HMGB4: variants seen among roughly 807,000 people sequenced by gnomAD.
HMGB4 encodes high mobility group protein B4.
For synonymous variants in HMGB4, 82 were observed against 84.9 expected (o/e 0.97, Z 0.19); for missense variants, 217 against 220.4 (o/e 0.98, Z 0.10).
At position 33,864,584 on chromosome 1, in the gene HMGB4, G is replaced by C. The variant is rs745673739; in HGVS notation, c.393G>C (p.Trp131Cys). 1 of 1,614,040 alleles carries C rather than the reference G, an allele frequency of 6.2e-7. No individual in the cohort carries two copies. Among genetic ancestry groups the C allele is most frequent in the South Asian group, 1.1e-5 (1 of 91,086 alleles). Reference protein sequence around the residue: ...VQVAKATGKMWSTATDLEKHP... With the variant: ...VQVAKATGKMCSTATDLEKHP... ...TGGCCAAGGCCACAGGGAAGATGTG[G>C]TCAACAGCGACAGACCTGGAGAAGC... Residue 131 changes from tryptophan to cysteine, a missense_variant, in exon 1 of 1, where the codon TGG becomes TGC. Transcript: ENST00000681531.
upstream of HMGB4, among the ~76,000 whole-genome samples, chr1:33,861,755 T>C (rs867433983): frequency 6.6e-6 from 1 of 152,060 alleles, no homozygotes; most frequent in Non-Finnish European, 1.5e-5. Context: ...AAGTAGAGTT[T>C]TACCACCCTA....
upstream of HMGB4, chr1:33,861,104 A>G (rs1337122414): frequency 6.6e-6 from 1 of 152,240 alleles, no homozygotes; most frequent in Non-Finnish European, 1.5e-5. Context: ...GAGGTACATA[A>G]AGTGCTTAGA....
In HMGB4 at chr1:33,864,648, T is replaced by A. The variant is rs141714388; in HGVS notation, c.457T>A (p.Tyr153Asn). The A allele has an allele frequency of 1.2e-6, 2 of 1,613,886 alleles. No homozygotes were observed. The highest frequency in any genetic ancestry group is 3.3e-5 in the Admixed American group (2 of 60,012). ...EQRVALLRAKYFEELELYRKQ... is the reference protein window; with the variant it reads ...EQRVALLRAKNFEELELYRKQ... ...AAGAGTGGCTCTCCTGAGAGCTAAGTACTTCGAGGAACTTGAACTCTACCG... is the reference window on the plus strand; with the variant it reads ...AAGAGTGGCTCTCCTGAGAGCTAAGAACTTCGAGGAACTTGAACTCTACCG... Residue 153 changes from tyrosine (Y) to asparagine (N), a missense_variant, in exon 1 of 1, where the codon TAC becomes AAC. Physicochemically the swap from Tyr to Asn is moderately radical, Grantham distance 143. Transcript: ENST00000681531.
At position 33,864,749 on chromosome 1, in the gene HMGB4, C is replaced by T; in HGVS notation, c.558C>T (p.Ser186=). ...GCAGAGGGAAAAGAGTCAGGCAGAG[C>T]TGATGGATCCAGTTTGAAAAAACAA... The part of the protein sequence containing the change: ...NRCRGKRVRQ[S] The change falls in exon 1 of 1, where the codon AGC becomes AGT. Residue 186 remains serine (S), a synonymous_variant. Transcript: ENST00000681531. 6.3e-7 allele frequency: 1 copy of T among 1,597,654 alleles called. No homozygotes were observed. The highest frequency in any genetic ancestry group is 1.8e-5 in the Admixed American group (1 of 56,800).
upstream of HMGB4, among the ~76,000 whole-genome samples, chr1:33,861,843 C>G (rs1421262209): frequency 6.6e-6 from 1 of 152,142 alleles, no homozygotes; most frequent in Admixed American, 6.5e-5. Context: ...CTTATGAGGA[C>G]CAGTGACCTT....
At chr1:33,862,790 C>T (rs1639641016), upstream of HMGB4, 2 of 152,158 alleles carry the variant, frequency 1.3e-5, no homozygotes, top group African/African-American at 2.4e-5. Flanking sequence ...CTTAGGTAGG[C>T]CAGCCACCTT....
upstream of HMGB4, among the ~76,000 whole-genome samples, chr1:33,861,982 C>T (rs377500986): frequency 3.3e-5 from 5 of 152,106 alleles, no homozygotes; most frequent in African/African-American, 1.2e-4. Flanking sequence ...AGATGGAAAC[C>T]AGAGGGTATG....
chr1:33,861,269 G>A (rs1202162527), upstream of HMGB4: 1 of 152,138 alleles, frequency 6.6e-6, no homozygotes, highest in African/African-American at 2.4e-5. Flanking sequence ...GCAGATTTAC[G>A]ACCCCCAGCT....
upstream of HMGB4, chr1:33,862,389 GTGTGTGTC>G (rs1639598956): frequency 6.7e-6 from 1 of 148,588 alleles, no homozygotes; most frequent in African/African-American, 2.7e-5. Context: ...GTGTGTGTGT[GTGTGTGTC>G]TGAGCCTGAG....
Position 33,864,363 on chromosome 1 carries a change from G to A in HMGB4, c.172G>A (p.Ala58Thr). The part of the protein sequence containing the change: ...KWRSISKHEK[A>T]KYEALAKLDK... Reference sequence around the variant, plus strand: ...GAGATCCATCTCAAAGCATGAAAAGGCCAAATATGAAGCCCTGGCCAAACT... The same window carrying A: ...GAGATCCATCTCAAAGCATGAAAAGACCAAATATGAAGCCCTGGCCAAACT... The change falls in exon 1 of 1, where the codon GCC becomes ACC. Residue 58 changes from alanine to threonine, a missense_variant. By Grantham distance (58) the Ala-to-Thr change is moderately conservative (BLOSUM62 0). Transcript: ENST00000681531. 1 of 1,614,096 alleles carries A rather than the reference G, an allele frequency of 6.2e-7. No homozygotes were observed. Among genetic ancestry groups the A allele is most frequent in the Non-Finnish European group, 8.5e-7 (1 of 1,180,032 alleles).
At position 33,864,339 on chromosome 1, in the gene HMGB4, A is replaced by G. The variant is rs1639793706; in HGVS notation, c.148A>G (p.Arg50Gly). 3.1e-6 allele frequency: 5 copies of G among 1,613,890 alleles called. No homozygotes were observed. Among genetic ancestry groups the G allele is most frequent in the Non-Finnish European group, 4.2e-6 (5 of 1,179,838 alleles). ...EFSRKCSEKW[R>G]SISKHEKAKY... ...CTCTAGAAAGTGTTCGGAAAAATGG[A>G]GATCCATCTCAAAGCATGAAAAGGC... The change falls in exon 1 of 1, where the codon AGA (arginine) becomes GGA (glycine). Residue 50 changes from arginine (R) to glycine (G), a missense_variant. Physicochemically the swap from Arg to Gly is moderately radical, Grantham distance 125. Coordinates refer to ENST00000681531, the MANE Select transcript of HMGB4 (RefSeq NM_001379301.1).
At position 33,864,171 on chromosome 1, in the gene HMGB4, A is replaced by G. The variant is rs777814275; in HGVS notation, c.-21A>G. On this transcript the variant is annotated 5_prime_UTR_variant, in exon 1 of 1. Transcript: ENST00000681531. Reference sequence around the variant, plus strand: ...CTCCTGTCCACGTTACTGAATCCAGAAAAAAGGTGAACTTACGAACATGGG... The same window carrying G: ...CTCCTGTCCACGTTACTGAATCCAGGAAAAAGGTGAACTTACGAACATGGG... 7.6e-6 allele frequency: 12 copies of G among 1,572,294 alleles called. No homozygotes were observed. Among genetic ancestry groups the G allele is most frequent in the Middle Eastern group, 1.9e-4 (1 of 5,392 alleles).
chr1:33,864,559 T>A lies in HMGB4; in HGVS notation c.368T>A (p.Val123Glu). ...AACCCGAACTGGTCGGTGGTGCAGGTGGCCAAGGCCACAGGGAAGATGTGG... is the reference window on the plus strand; with the variant it reads ...AACCCGAACTGGTCGGTGGTGCAGGAGGCCAAGGCCACAGGGAAGATGTGG... ...RENPNWSVVQ[V>E]AKATGKMWST... Residue 123 changes from valine (V) to glutamate (E), a missense_variant, in exon 1 of 1, where the codon GTG becomes GAG. Transcript: ENST00000681531. The A allele has an allele frequency of 6.2e-7, 1 of 1,614,008 alleles. No individual in the cohort carries two copies. Among genetic ancestry groups the A allele is most frequent in the East Asian group, 2.2e-5 (1 of 44,830 alleles).
In HMGB4 at chr1:33,864,178, G is replaced by A. The variant is rs1410522327; in HGVS notation, c.-14G>A. The stretch of plus-strand genomic sequence containing the variant: ...CCACGTTACTGAATCCAGAAAAAAG[G>A]TGAACTTACGAACATGGGAAAAGAA... On this transcript the variant is annotated 5_prime_UTR_variant, in exon 1 of 1. In the 5' UTR this introduces an upstream ATG that the reference lacks. Transcript: ENST00000681531. The A allele has an allele frequency of 6.3e-7, 1 of 1,580,330 alleles. No individual in the cohort carries two copies.
rs1319677756 is a variant in HMGB4, at chr1:33,864,366, A to G, written c.175A>G (p.Lys59Glu). Residue 59 changes from lysine to glutamate, a missense_variant, in exon 1 of 1, where the codon AAA becomes GAA. Lys to Glu is a moderately conservative substitution (Grantham distance 56, BLOSUM62 1). Transcript: ENST00000681531. ...ATCCATCTCAAAGCATGAAAAGGCC[A>G]AATATGAAGCCCTGGCCAAACTCGA... The part of the protein sequence containing the change: ...WRSISKHEKA[K>E]YEALAKLDKA... 3 of 1,614,106 alleles carry G rather than the reference A, an allele frequency of 1.9e-6. No homozygotes were observed. Among genetic ancestry groups the G allele is most frequent in the East Asian group, 4.5e-5 (2 of 44,886 alleles).
upstream of HMGB4, chr1:33,863,999 G>A (rs1639756410): frequency 3.5e-6 from 2 of 576,724 alleles, no homozygotes; most frequent in Non-Finnish European, 6.1e-6. Context: ...GCTGGCTTGT[G>A]GATGATGTCA....
At position 33,864,263 on chromosome 1, in the gene HMGB4, A is replaced by G. The variant is rs1639784902; in HGVS notation, c.72A>G (p.Arg24=). 6.2e-7 allele frequency: 1 copy of G among 1,613,152 alleles called. No homozygotes were observed. The highest frequency in any genetic ancestry group is 8.5e-7 in the Non-Finnish European group (1 of 1,179,406). The change falls in exon 1 of 1, where the codon AGA becomes AGG. Residue 24 remains arginine, a synonymous_variant. Coordinates refer to ENST00000681531, the MANE Select transcript of HMGB4 (RefSeq NM_001379301.1). Reference sequence around the variant, plus strand: ...ACGTTCACTTTTTGCTGAATTACAGAAACAAATTCAAGGAGCAGCAGCCAA... The same window carrying G: ...ACGTTCACTTTTTGCTGAATTACAGGAACAAATTCAAGGAGCAGCAGCCAA... ...SSYVHFLLNY[R]NKFKEQQPNT...
upstream of HMGB4, chr1:33,862,837 C>T (rs1277217931): frequency 6.6e-6 from 1 of 152,210 alleles, no homozygotes; most frequent in East Asian, 1.9e-4. Context: ...ATTGGAGACT[C>T]TTATTAGTTT....
At chr1:33,861,147 A>T (rs1215238987), upstream of HMGB4, 2 of 152,224 alleles carry the variant, frequency 1.3e-5, no homozygotes, top group African/African-American at 4.8e-5. Context: ...CATTATATAA[A>T]TATTAAGTAT....
Sources: gnomAD v4.1 joint callset for allele counts (sites outside exome capture counted in the v4.1 genomes callset) on GRCh38, gnomAD v4.1.1 for gene constraint, MANE v1.5 for transcripts, NCBI Gene and HGNC (gene_info 2026-07-23, HGNC 2026-07-21) for gene names.